The following SHISA6 variants were observed in gnomAD, a reference collection of about 807,000 sequenced individuals.
SHISA6 encodes the protein shisa family member 6, also known as protein shisa-6.
A neutral mutation model predicts 47.9 loss-of-function variants in SHISA6; 22 were observed. The observed-to-expected ratio is 0.46, with a 90% CI of 0.33 to 0.66. The LOEUF (loss-of-function observed/expected upper bound fraction) is 0.66. Among genes scored for constraint, SHISA6 ranks in the 30% least tolerant of loss-of-function variants. The probability of loss-of-function intolerance (pLI) is 0.02; values close to 1 mark genes in which losing one functional copy is unlikely to be tolerated. For synonymous variants in SHISA6, 388 were observed against 337.8 expected, an observed-to-expected ratio of 1.15 and a Z score of -1.63; for missense variants, 680 against 764.6, an observed-to-expected ratio of 0.89 and a Z score of 1.30.
At position 11,515,020 on chromosome 17, in the gene SHISA6, A is replaced by G. The variant is rs552484620; in HGVS notation, c.896-36876A>G. The stretch of plus-strand genomic sequence containing the variant: ...GTACAAGGGGCTGCAAAGGCAGCTC[A>G]TGAAGCCCTGTGGACTTCCTTTAGA... On this transcript the variant is annotated intron_variant, in intron 3 of 5. Transcript: ENST00000441885. Among the ~76,000 whole-genome samples, 18 of 152,294 alleles carry G rather than the reference A, an allele frequency of 1.2e-4. No homozygotes were observed. The South Asian group carries it at 3.1e-3, about 26-fold the overall frequency.
intron 2 of SHISA6, among the ~76,000 whole-genome samples, chr17:11,358,361 G>A (rs1281332829): frequency 6.6e-6 from 1 of 151,974 alleles, no homozygotes; most frequent in Non-Finnish European, 1.5e-5. Flanking sequence ...GTACTTGACA[G>A]GATTCTTTTT....
At chr17:11,425,879 C>A (rs1263252819) in intron 3 of SHISA6, among the ~76,000 whole-genome samples, 1 of 152,176 alleles carries the variant, frequency 6.6e-6, no homozygotes, top group Non-Finnish European at 1.5e-5. Flanking sequence ...AGCCCCAGTG[C>A]AACACCCATT....
intron 1 of SHISA6, among the ~76,000 whole-genome samples, chr17:11,248,066 G>A (rs1907659535): frequency 6.6e-6 from 1 of 152,116 alleles, no homozygotes; most frequent in Admixed American, 6.5e-5. Context: ...GAGACACGGA[G>A]CCTGGCCTCT....
chr17:11,351,005 G>A (rs1369953085), intron 2 of SHISA6, among the ~76,000 whole-genome samples: 2 of 152,150 alleles, frequency 1.3e-5, no homozygotes, highest in Non-Finnish European at 2.9e-5. Context: ...CATGGATGAA[G>A]CTGGAAACCA....
Position 11,301,584 on chromosome 17 carries a change from C to T in SHISA6, c.799+38058C>T, listed in dbSNP as rs754814884. Among the ~76,000 whole-genome samples the T allele has an allele frequency of 7.2e-4, 109 of 152,330 alleles. 2 individuals carry two copies. Among genetic ancestry groups the T allele is most frequent in the Non-Finnish European group, 6.5e-4 (44 of 68,026 alleles). On this transcript the variant is annotated intron_variant, in intron 2 of 5. Coordinates refer to ENST00000441885, the MANE Select transcript of SHISA6 (RefSeq NM_207386.4). The stretch of plus-strand genomic sequence containing the variant: ...GAGTCTTTCTCTTCCAGGCGTCCTT[C>T]AGTCAACCTCCTTGCCGTTCCCCTC...
intron 3 of SHISA6, among the ~76,000 whole-genome samples, chr17:11,530,713 G>A (rs1435991258): frequency 1.3e-5 from 2 of 152,134 alleles, no homozygotes; most frequent in Admixed American, 1.3e-4. Context: ...CTGTTGTCAA[G>A]GTTAGTCGTT....
intron 2 of SHISA6, among the ~76,000 whole-genome samples, chr17:11,368,304 A>AATTT: frequency 6.6e-6 from 1 of 151,390 alleles, no homozygotes; most frequent in South Asian, 2.1e-4. Context: ...AGATGAGCTG[A>AATTT]CGTGTTTTCT....
At chr17:11,276,894 C>G (rs181584576) in intron 2 of SHISA6, among the ~76,000 whole-genome samples, 2 of 152,172 alleles carry the variant, frequency 1.3e-5, no homozygotes, top group East Asian at 3.9e-4. Context: ...ATACAATTAC[C>G]AGGTTTATGA....
chr17:11,251,494 C>T (rs1216361302), intron 1 of SHISA6, among the ~76,000 whole-genome samples: 3 of 151,466 alleles, frequency 2.0e-5, no homozygotes, highest in African/African-American at 4.9e-5. Flanking sequence ...AGAGCAGTGA[C>T]GGGAGCTTGG....
At chr17:11,388,205 G>A (rs1358810739) in intron 3 of SHISA6, among the ~76,000 whole-genome samples, 2 of 152,150 alleles carry the variant, frequency 1.3e-5, no homozygotes, top group Non-Finnish European at 2.9e-5. Flanking sequence ...CAAGGTGTTT[G>A]AATGCTGGAC....
intron 3 of SHISA6, among the ~76,000 whole-genome samples, chr17:11,481,740 C>A (rs915647167): frequency 6.6e-6 from 1 of 152,036 alleles, no homozygotes; most frequent in South Asian, 2.1e-4. Context: ...ATCCACCCAC[C>A]TCAGCCTCCC....
chr17:11,300,933 G>C (rs956605044), intron 2 of SHISA6, among the ~76,000 whole-genome samples: 2 of 151,416 alleles, frequency 1.3e-5, no homozygotes, highest in Admixed American at 6.6e-5. Context: ...TGTATGGGGT[G>C]GGGGGAGAGA....
At chr17:11,330,718 A>C (rs11869601) in intron 2 of SHISA6, among the ~76,000 whole-genome samples, 39,777 of 152,144 alleles carry the variant, frequency 0.26, 5,965 homozygotes, top group Non-Finnish European at 0.33. Context: ...TGCCAAATGA[A>C]CAGCATACAC....
At chr17:11,531,412 A>G (rs2071731932) in intron 3 of SHISA6, among the ~76,000 whole-genome samples, 1 of 151,970 alleles carries the variant, frequency 6.6e-6, no homozygotes, top group Admixed American at 6.6e-5. Flanking sequence ...CAGTCTTGGA[A>G]TTAGTACTGA....
intron 3 of SHISA6, among the ~76,000 whole-genome samples, chr17:11,481,464 A>G (rs2908927): frequency 0.27 from 40,263 of 149,830 alleles, 5,491 homozygotes; most frequent in Admixed American, 0.3. Flanking sequence ...TATAATATGA[A>G]AAATGAAATA....
intron 2 of SHISA6, among the ~76,000 whole-genome samples, chr17:11,321,056 T>A (rs1246710015): frequency 6.6e-6 from 1 of 152,168 alleles, no homozygotes; most frequent in East Asian, 1.9e-4. Flanking sequence ...TGGCGTATAT[T>A]TTTCTCACCA....
chr17:11,542,656 T>C (rs1391641853), intron 3 of SHISA6, among the ~76,000 whole-genome samples: 1 of 151,068 alleles, frequency 6.6e-6, no homozygotes, highest in Admixed American at 6.6e-5. Flanking sequence ...ATAAAGGGAG[T>C]TATTTGTTGC....
At chr17:11,397,430 T>TGTGTG (rs1555532586) in intron 3 of SHISA6, among the ~76,000 whole-genome samples, 3 of 150,832 alleles carry the variant, frequency 2.0e-5, no homozygotes, top group South Asian at 2.1e-4. Flanking sequence ...TGTGTGTGTG[T>TGTGTG]TCACTACCTT....
At chr17:11,496,478 G>A (rs544392508) in intron 3 of SHISA6, among the ~76,000 whole-genome samples, 22 of 152,288 alleles carry the variant, frequency 1.4e-4, no homozygotes, top group Non-Finnish European at 2.6e-4. Flanking sequence ...GGTGGCTCAC[G>A]CCTGTAATCC....
Sources: gnomAD v4.1 joint callset for allele counts (sites outside exome capture counted in the v4.1 genomes callset) on GRCh38, gnomAD v4.1.1 for gene constraint, MANE v1.5 for transcripts, NCBI Gene and HGNC (gene_info 2026-07-23, HGNC 2026-07-21) for gene names.